The following RMC1 variants were observed in gnomAD, a reference collection of about 807,000 sequenced individuals.
RMC1 encodes the protein regulator of MON1-CCZ1.
In RMC1, 44 loss-of-function variants were observed where a neutral mutation model predicts 95.5. The observed-to-expected ratio is 0.46, with a 90% confidence interval of 0.36 to 0.59. The LOEUF (loss-of-function observed/expected upper bound fraction) is 0.59. Ranked by LOEUF, RMC1 falls within the 20% of genes least tolerant of loss-of-function variation. The pLI, the probability that RMC1 is intolerant of heterozygous loss-of-function variation, is 0.00. For synonymous variants in RMC1, 320 were observed against 303.6 expected (o/e 1.05, Z -0.56); for missense variants, 705 against 819.6 (o/e 0.86, Z 1.71).
chr18:23,527,950 C>T (rs372795435), intron 14 of RMC1, 49 bp downstream of exon 14: 171 of 1,413,594 alleles, frequency 1.2e-4, no homozygotes, highest in South Asian at 3.6e-4. Context: ...CACCCCCTCC[C>T]GGGTATTTTC....
At chr18:23,505,310 C>T (rs2057686408) in intron 2 of RMC1, among the ~76,000 whole-genome samples, 1 of 152,204 alleles carries the variant, frequency 6.6e-6, no homozygotes, top group African/African-American at 2.4e-5. Flanking sequence ...GATCCGCCCG[C>T]CTCAGACTCC....
rs1567909345 is a variant in RMC1 at position 23,503,590 on chromosome 18, GGGCCCCCGCC to G, written c.-27_-18del. The G allele has an allele frequency of 6.5e-7, 1 of 1,529,456 alleles. No homozygotes were observed. Among genetic ancestry groups the G allele is most frequent in the Non-Finnish European group, 8.8e-7 (1 of 1,135,478 alleles). 94.7% of individuals were successfully genotyped at this position (1,529,456 alleles called of 1,614,324 possible). On this transcript the variant is annotated 5_prime_UTR_variant, in exon 1 of 20. Transcript: ENST00000269221. ...TGCTCCACTCTGGCGACCGCCCCCGGGGCCCCCGCCGCGGGCGCGGCGCCCGCCATGGGCG... is the reference window on the plus strand; with the variant it reads ...TGCTCCACTCTGGCGACCGCCCCCGGGCGGGCGCGGCGCCCGCCATGGGCG...
intron 1 of RMC1, among the ~76,000 whole-genome samples, chr18:23,503,964 G>T (rs1277537698): frequency 1.3e-5 from 2 of 151,820 alleles, no homozygotes; most frequent in African/African-American, 4.8e-5. Context: ...CGTGGCCAGT[G>T]TCTCAATTGT....
intron 10 of RMC1, among the ~76,000 whole-genome samples, chr18:23,521,066 A>G (rs1448948398): frequency 6.6e-6 from 1 of 151,858 alleles, no homozygotes; most frequent in African/African-American, 2.4e-5. Flanking sequence ...TGTTGGCCAG[A>G]CTGGTCTTGA....
Position 23,520,254 on chromosome 18 carries a change from C to T in RMC1, c.902C>T (p.Thr301Ile). Reference protein sequence around the residue: ...KLRGEFDGSVTFHHPVLPARS... With the variant: ...KLRGEFDGSVIFHHPVLPARS... ...CGGGGAGAGTTTGACGGCTCCGTTA[C>T]CTTCCACCACCCCGTGCTTCCCGCT... The change falls in exon 10 of 20, where the codon ACC (threonine) becomes ATC (isoleucine). Residue 301 changes from threonine to isoleucine, a missense_variant. Physicochemically the swap from Thr to Ile is moderately conservative, Grantham distance 89. Coordinates refer to ENST00000269221, the MANE Select transcript of RMC1 (RefSeq NM_013326.5). The T allele has an allele frequency of 6.2e-7, 1 of 1,614,152 alleles. No homozygotes were observed. Among genetic ancestry groups the T allele is most frequent in the Non-Finnish European group, 8.5e-7 (1 of 1,180,032 alleles).
chr18:23,531,739 CAA>C lies in RMC1; in HGVS notation c.*37_*38del, dbSNP rs1199511973. ...CTGTTTTTTTATATAAAAATGTGTA[CAA>C]AGTTAATTTATTGCATTAATAAAGC... On this transcript the variant is annotated 3_prime_UTR_variant, in exon 20 of 20. Coordinates refer to ENST00000269221, the MANE Select transcript of RMC1 (RefSeq NM_013326.5). 2.5e-6 allele frequency: 4 copies of C among 1,591,874 alleles called. No individual in the cohort carries two copies. The highest frequency in any genetic ancestry group is 1.9e-5 in the Admixed American group (1 of 53,706).
At chr18:23,522,554 C>A (rs1415197862) in intron 10 of RMC1, 1 of 152,390 alleles carries the variant, frequency 6.6e-6, no homozygotes, top group Non-Finnish European at 1.5e-5. Context: ...CATTCTTCTT[C>A]TTCCTCTTAA....
chr18:23,524,513 A>C, intron 12 of RMC1, 31 bp downstream of exon 12: 1 of 1,609,982 alleles, frequency 6.2e-7, no homozygotes, highest in South Asian at 1.1e-5. Context: ...GTCGTGTTAC[A>C]ACATGGTGCT....
chr18:23,519,207 G>T (rs2058084246), intron 9 of RMC1, 33 bp downstream of exon 9: 1 of 1,590,970 alleles, frequency 6.3e-7, no homozygotes, highest in African/African-American at 1.3e-5. Flanking sequence ...CCAAAGTTAA[G>T]GTTGCTTAAA....
chr18:23,525,462 G>A (rs919874532), intron 12 of RMC1, among the ~76,000 whole-genome samples: 1 of 151,054 alleles, frequency 6.6e-6, no homozygotes, highest in African/African-American at 2.4e-5. Context: ...ATCTCGCTTT[G>A]TCACCAGGCT....
chr18:23,504,557 A>G, intron 2 of RMC1, 110 bp downstream of exon 2: 1 of 935,512 alleles, frequency 1.1e-6, no homozygotes, highest in Non-Finnish European at 1.7e-6. Flanking sequence ...AAGAGGCCTG[A>G]AGTCTGTGTG....
chr18:23,513,249 C>T (rs1193629652), intron 5 of RMC1, among the ~76,000 whole-genome samples: 2 of 152,142 alleles, frequency 1.3e-5, no homozygotes, highest in East Asian at 1.9e-4. Flanking sequence ...CCACTGTGTC[C>T]GGCCGAATTT....
At chr18:23,528,995 T>C in intron 14 of RMC1, 184 bp from the exon 15 acceptor site, 2 of 926,036 alleles carry the variant, frequency 2.2e-6, no homozygotes, top group Admixed American at 3.3e-5. Flanking sequence ...TTCTCCTGCC[T>C]CAGCCTCCTG....
intron 5 of RMC1, among the ~76,000 whole-genome samples, chr18:23,514,784 A>T (rs1417763386): frequency 6.6e-6 from 1 of 152,128 alleles, no homozygotes; most frequent in Non-Finnish European, 1.5e-5. Context: ...TCAAGAAAAA[A>T]GTTAAAAAGA....
chr18:23,517,215 T>C (rs1023633003), intron 7 of RMC1, among the ~76,000 whole-genome samples: 1 of 151,962 alleles, frequency 6.6e-6, no homozygotes, highest in African/African-American at 2.4e-5. Context: ...AGTGGCACGA[T>C]CTTGGCTCAC....
intron 12 of RMC1, 114 bp from the exon 13 acceptor site, chr18:23,526,523 T>G (rs919336480): frequency 3.2e-6 from 4 of 1,268,288 alleles, no homozygotes; most frequent in African/African-American, 3.0e-5. Context: ...GACTGTACTT[T>G]GCGGCTTTTT....
chr18:23,518,274 T>C (rs1459416760), intron 7 of RMC1, among the ~76,000 whole-genome samples: 1 of 152,140 alleles, frequency 6.6e-6, no homozygotes, highest in African/African-American at 2.4e-5. Flanking sequence ...GGGATCGCCT[T>C]GAGGCCAGGA....
In RMC1 at chr18:23,503,592, G is replaced by A; in HGVS notation, c.-27G>A. The A allele has an allele frequency of 2.6e-6, 4 of 1,531,834 alleles. No homozygotes were observed. Among genetic ancestry groups the A allele is most frequent in the Non-Finnish European group, 3.5e-6 (4 of 1,137,408 alleles). The allele number at this position is 1,531,834 out of a possible 1,614,324, so 94.9% of individuals were successfully genotyped here. A position where few individuals can be genotyped will look rare whatever the true frequency, so the allele number is the denominator to read the frequency against. ...CTCCACTCTGGCGACCGCCCCCGGGGCCCCCGCCGCGGGCGCGGCGCCCGC... is the reference window on the plus strand; with the variant it reads ...CTCCACTCTGGCGACCGCCCCCGGGACCCCCGCCGCGGGCGCGGCGCCCGC... On this transcript the variant is annotated 5_prime_UTR_variant, in exon 1 of 20. Transcript: ENST00000269221.
intron 10 of RMC1, among the ~76,000 whole-genome samples, 190 bp downstream of exon 10, chr18:23,520,503 A>G (rs1248954894): frequency 1.3e-5 from 2 of 152,220 alleles, no homozygotes; most frequent in Non-Finnish European, 2.9e-5. Flanking sequence ...TGAGTCACCC[A>G]GGCTGGTAGG....
Sources: gnomAD v4.1 joint callset for allele counts (sites outside exome capture counted in the v4.1 genomes callset) on GRCh38, gnomAD v4.1.1 for gene constraint, MANE v1.5 for transcripts, NCBI Gene and HGNC (gene_info 2026-07-23, HGNC 2026-07-21) for gene names.